Variants in LDLRAD4 observed in about 807,000 individuals in gnomAD.
The protein encoded by LDLRAD4 is low density lipoprotein receptor class A domain containing 4.
LDLRAD4 carries 5 observed loss-of-function variants against 17.0 expected under a neutral mutation model. The ratio of observed to expected loss-of-function variants is 0.29; its 90% CI spans 0.15 to 0.62. The LOEUF is 0.62. Among genes scored for constraint, LDLRAD4 ranks in the 20% least tolerant of loss-of-function variants. The probability of loss-of-function intolerance (pLI) is 0.84; values close to 1 mark genes in which losing one functional copy is unlikely to be tolerated. For missense variants in LDLRAD4, 340 were observed against 424.7 expected (o/e 0.80, Z 1.75); for synonymous variants, 168 against 171.8 (o/e 0.98, Z 0.17).
intron 3 of LDLRAD4, among the ~76,000 whole-genome samples, chr18:13,485,321 C>T (rs2093194801): frequency 6.6e-6 from 1 of 152,206 alleles, no homozygotes; most frequent in South Asian, 2.1e-4. Context: ...GGTAGAAACA[C>T]GGAGTTGGGA....
intron 1 of LDLRAD4, among the ~76,000 whole-genome samples, chr18:13,368,855 G>A (rs752900221): frequency 6.6e-6 from 1 of 152,180 alleles, no homozygotes; most frequent in Non-Finnish European, 1.5e-5. Context: ...TGTTACCTGG[G>A]GACACTGGAG....
chr18:13,617,107 T>G (rs1039733998), intron 3 of LDLRAD4, among the ~76,000 whole-genome samples: 1 of 151,012 alleles, frequency 6.6e-6, no homozygotes, highest in Non-Finnish European at 1.5e-5. Flanking sequence ...GCCTTTACTT[T>G]TTTTTTTTTT....
chr18:13,428,920 G>C (rs1462623770), intron 2 of LDLRAD4, among the ~76,000 whole-genome samples: 1 of 152,172 alleles, frequency 6.6e-6, no homozygotes, highest in African/African-American at 2.4e-5. Flanking sequence ...CAAGTGACTG[G>C]AGGAGTCTGG....
chr18:13,242,869 C>A (rs2042734416), intron 1 of LDLRAD4, among the ~76,000 whole-genome samples: 1 of 152,266 alleles, frequency 6.6e-6, no homozygotes, highest in South Asian at 2.1e-4. Flanking sequence ...CTGACCCCAG[C>A]TGTTCGACTT....
intron 1 of LDLRAD4, among the ~76,000 whole-genome samples, chr18:13,342,419 G>T (rs1226630868): frequency 6.8e-6 from 1 of 147,212 alleles, no homozygotes; most frequent in African/African-American, 2.5e-5. Context: ...ACTAGTTAAG[G>T]TTTATTTGGA....
intron 1 of LDLRAD4, among the ~76,000 whole-genome samples, chr18:13,374,640 G>C (rs1285118031): frequency 6.6e-6 from 1 of 152,244 alleles, no homozygotes; most frequent in East Asian, 1.9e-4. Flanking sequence ...AGACACTGCA[G>C]AGTCCTGCCC....
At chr18:13,298,628 G>T (rs775165140) in intron 1 of LDLRAD4, among the ~76,000 whole-genome samples, 4 of 151,824 alleles carry the variant, frequency 2.6e-5, no homozygotes, top group Non-Finnish European at 5.9e-5. Flanking sequence ...GCTGCTCTGG[G>T]CATGGTGATG....
intron 1 of LDLRAD4, among the ~76,000 whole-genome samples, chr18:13,370,828 A>G (rs1385835957): frequency 2.0e-5 from 3 of 150,090 alleles, no homozygotes; most frequent in Non-Finnish European, 4.4e-5. Context: ...CTCCTGCCTC[A>G]GCCTCTGGAG....
chr18:13,557,579 T>G (rs2094497083), intron 3 of LDLRAD4, among the ~76,000 whole-genome samples: 1 of 152,192 alleles, frequency 6.6e-6, no homozygotes, highest in Admixed American at 6.5e-5. Context: ...TTTTTATATT[T>G]TTAGTAGAGA....
Position 13,579,116 on chromosome 18 carries a change from G to A in LDLRAD4, c.182-42001G>A, listed in dbSNP as rs545809853. Among the ~76,000 whole-genome samples the A allele has an allele frequency of 1.8e-3, 279 of 152,086 alleles. 1 individual carries two copies. Among genetic ancestry groups the A allele is most frequent in the African/African-American group, 6.5e-3 (268 of 41,490 alleles). On this transcript the variant is annotated intron_variant, in intron 3 of 5. Coordinates refer to ENST00000359446, the Ensembl canonical transcript of LDLRAD4. ...GAGGCAGGAGAATTGCTTGAAGCTG[G>A]GAGGCGGAGCTTGCAGTGAGCCGAG...
chr18:13,348,740 G>A (rs1469830848), intron 1 of LDLRAD4, among the ~76,000 whole-genome samples: 27 of 152,128 alleles, frequency 1.8e-4, no homozygotes, highest in Admixed American at 1.8e-3. Context: ...CTTCCCAGCC[G>A]CTTTGTTTAC....
chr18:13,482,649 G>A lies in LDLRAD4; in HGVS notation c.181+44265G>A, dbSNP rs548115810. Among the ~76,000 whole-genome samples the A allele has an allele frequency of 1.3e-4, 20 of 152,342 alleles. No homozygotes were observed. The South Asian group carries it at 4.1e-3, about 32-fold the overall frequency. On this transcript the variant is annotated intron_variant, in intron 3 of 5. Transcript: ENST00000359446. ...CCGCCTCTCTGAGCCCCATCAGTCT[G>A]TGTGGAGAGGGACCCCTCAATGAGG...
At chr18:13,416,650 G>C (rs1276303863) in intron 2 of LDLRAD4, among the ~76,000 whole-genome samples, 1 of 152,120 alleles carries the variant, frequency 6.6e-6, no homozygotes, top group Non-Finnish European at 1.5e-5. Context: ...TAGTAATATA[G>C]GAATTCATTC....
intron 3 of LDLRAD4, among the ~76,000 whole-genome samples, chr18:13,496,425 G>A (rs1464144477): frequency 6.6e-6 from 1 of 152,226 alleles, no homozygotes; most frequent in Non-Finnish European, 1.5e-5. Flanking sequence ...CAATAGCACA[G>A]TCTAATGCTT....
intron 1 of LDLRAD4, among the ~76,000 whole-genome samples, chr18:13,293,482 T>C (rs909563137): frequency 6.6e-6 from 1 of 152,224 alleles, no homozygotes; most frequent in Admixed American, 6.5e-5. Flanking sequence ...GTAGAAGTTA[T>C]GCAAACCTAT....
intron 1 of LDLRAD4, among the ~76,000 whole-genome samples, chr18:13,386,962 A>G (rs2085887915): frequency 6.7e-6 from 1 of 150,274 alleles, no homozygotes; most frequent in African/African-American, 2.5e-5. Context: ...ATGGATGGAT[A>G]GATAAGATAG....
intron 1 of LDLRAD4, chr18:13,236,449 A>C (rs1245305825): frequency 2.0e-5 from 3 of 151,822 alleles, no homozygotes; most frequent in African/African-American, 7.3e-5. Context: ...AGCTGGGATT[A>C]CAGGCATGCA....
intron 1 of LDLRAD4, among the ~76,000 whole-genome samples, chr18:13,316,241 T>C (rs1448914649): frequency 1.3e-5 from 2 of 152,016 alleles, no homozygotes; most frequent in African/African-American, 4.8e-5. Flanking sequence ...GAGCTGGAGG[T>C]GCATCTGAGT....
intron 1 of LDLRAD4, among the ~76,000 whole-genome samples, chr18:13,220,377 G>C (rs1363697220): frequency 6.6e-6 from 1 of 152,190 alleles, no homozygotes; most frequent in Middle Eastern, 3.2e-3. Context: ...GGTTCGTGTA[G>C]GTTTGTATTT....
Sources: gnomAD v4.1 joint callset for allele counts (sites outside exome capture counted in the v4.1 genomes callset) on GRCh38, gnomAD v4.1.1 for gene constraint, MANE v1.5 for transcripts, NCBI Gene and HGNC (gene_info 2026-07-23, HGNC 2026-07-21) for gene names.